PLCG1: variants seen among roughly 807,000 people sequenced by gnomAD.
PLCG1 encodes the protein phospholipase C gamma 1, also known as 1-phosphatidylinositol 4,5-bisphosphate phosphodiesterase gamma-1.
PLCG1 carries 71 observed loss-of-function variants against 177.8 expected under a neutral mutation model. That is an observed-to-expected ratio of 0.40 (90% CI 0.33 to 0.49). PLCG1 has a LOEUF of 0.49. PLCG1 is among the 20% of genes least tolerant of loss of function. PLCG1 has a pLI of 0.72. For missense variants in PLCG1, 1,281 were observed against 1,709.0 expected (o/e 0.75, Z 4.42); for synonymous variants, 658 against 647.9 (o/e 1.02, Z -0.24).
chr20:41,170,398 C>A, intron 24 of PLCG1, 129 bp downstream of exon 24: 2 of 852,242 alleles, frequency 2.3e-6, no homozygotes, highest in Non-Finnish European at 3.6e-6. Flanking sequence ...TAGGCCACAG[C>A]CCCTGCCTTA....
intron 1 of PLCG1, among the ~76,000 whole-genome samples, chr20:41,155,916 A>AT (rs2035306723): frequency 6.6e-6 from 1 of 152,170 alleles, no homozygotes; most frequent in African/African-American, 2.4e-5. Context: ...CATAGCTAGA[A>AT]TTTAAGAGCT....
chr20:41,165,147 T>G lies in PLCG1; in HGVS notation c.1386+46T>G. 1 of 1,604,052 alleles carries G rather than the reference T, an allele frequency of 6.2e-7. No individual in the cohort carries two copies. The highest frequency in any genetic ancestry group is 8.5e-7 in the Non-Finnish European group (1 of 1,173,838). On this transcript the variant is annotated intron_variant, in intron 13 of 31. Transcript: ENST00000685551. The surrounding 1 kb of genome is among the most constrained non-coding windows in gnomAD (Gnocchi z 6.6). ...CGGAAGCCCCACACTTCTCAGTGCC[T>G]TGCCCAGGCCATGGCTTCAGCTGTT... is the stretch of plus-strand genomic sequence containing the variant.
rs572524400 is a variant in PLCG1, at chr20:41,153,929, G to C, written c.218-5677G>C. On this transcript the variant is annotated intron_variant, in intron 1 of 31. Coordinates refer to ENST00000685551, the MANE Select transcript of PLCG1 (RefSeq NM_002660.3). The surrounding 1 kb of genome is among the most constrained non-coding windows in gnomAD (Gnocchi z 5.1). ...ATATTTCAGTGAAAGCATGTTTCAT[G>C]TTCAGAAATTTGGGGTACTTTTGGT... Among the ~76,000 whole-genome samples, 1 of 152,306 alleles carries C rather than the reference G, an allele frequency of 6.6e-6. No individual in the cohort carries two copies. The highest frequency in any genetic ancestry group is 2.1e-4 in the South Asian group (1 of 4,820).
chr20:41,147,585 TCACGCCTGTAATCCCAG>T lies in PLCG1; in HGVS notation c.217+9731_217+9747del, dbSNP rs1254702011. Among the ~76,000 whole-genome samples, 4 of 152,184 alleles carry T rather than the reference TCACGCCTGTAATCCCAG, an allele frequency of 2.6e-5. No individual in the cohort carries two copies. The South Asian group carries it at 6.2e-4, about 24-fold the overall frequency. On this transcript the variant is annotated intron_variant, in intron 1 of 31. Transcript: ENST00000685551. This position sits in a 1 kb window ranked among gnomAD's most constrained non-coding sequence, Gnocchi z 4.0. ...TTTAAGCTGGGCTGGGCACGGTGGC[TCACGCCTGTAATCCCAG>T]CACTTTGGGAGGCCAAGGTAGGGGG...
Position 41,165,157 on chromosome 20 carries a change from C to T in PLCG1, c.1386+56C>T. On this transcript the variant is annotated intron_variant, in intron 13 of 31. Transcript: ENST00000685551. This position sits in a 1 kb window ranked among gnomAD's most constrained non-coding sequence, Gnocchi z 6.6. Reference sequence around the variant, plus strand: ...ACACTTCTCAGTGCCTTGCCCAGGCCATGGCTTCAGCTGTTGGGCCTAAAC... The same window carrying T: ...ACACTTCTCAGTGCCTTGCCCAGGCTATGGCTTCAGCTGTTGGGCCTAAAC... 6.2e-7 allele frequency: 1 copy of T among 1,603,234 alleles called. No individual in the cohort carries two copies. Among genetic ancestry groups the T allele is most frequent in the Non-Finnish European group, 8.5e-7 (1 of 1,173,296 alleles).
intron 21 of PLCG1, 78 bp downstream of exon 21, chr20:41,168,948 T>C: frequency 8.6e-7 from 1 of 1,160,880 alleles, no homozygotes; most frequent in Non-Finnish European, 1.3e-6. Flanking sequence ...ATTTGTGATG[T>C]GCTTGTCTCC....
rs1366491212 is a variant in PLCG1 at position 41,153,666 on chromosome 20, G to A, written c.218-5940G>A. Among the ~76,000 whole-genome samples the A allele has an allele frequency of 6.6e-6, 1 of 152,178 alleles. No homozygotes were observed. The highest frequency in any genetic ancestry group is 1.5e-5 in the Non-Finnish European group (1 of 68,032). On this transcript the variant is annotated intron_variant, in intron 1 of 31. Coordinates refer to ENST00000685551, the MANE Select transcript of PLCG1 (RefSeq NM_002660.3). This position sits in a 1 kb window ranked among gnomAD's most constrained non-coding sequence, Gnocchi z 5.1. Reference sequence around the variant, plus strand: ...AATCCCAGCACTTTGGGAGGCCGAGGCAGGCGAATCACTGGAGGTCAGGAG... The same window carrying A: ...AATCCCAGCACTTTGGGAGGCCGAGACAGGCGAATCACTGGAGGTCAGGAG...
Position 41,152,339 on chromosome 20 carries a change from CGT to C in PLCG1, c.218-7265_218-7264del, listed in dbSNP as rs371940234. Among the ~76,000 whole-genome samples the C allele has an allele frequency of 5.1e-4, 77 of 152,364 alleles. 1 individual carries two copies. The highest frequency in any genetic ancestry group is 4.8e-3 in the East Asian group (25 of 5,184). On this transcript the variant is annotated intron_variant, in intron 1 of 31. Coordinates refer to ENST00000685551, the MANE Select transcript of PLCG1 (RefSeq NM_002660.3). ...TTTTCCCAAAGCTCTGTTAGCTTCC[CGT>C]GGTTCCCACTGGCTATAGGAATCTT... is the stretch of plus-strand genomic sequence containing the variant.
At chr20:41,171,494 G>T (rs1021291179) in intron 24 of PLCG1, among the ~76,000 whole-genome samples, 1 of 149,408 alleles carries the variant, frequency 6.7e-6, no homozygotes, top group Non-Finnish European at 1.5e-5. Context: ...GGCTGAGGCA[G>T]GAGAATCGCT....
chr20:41,166,761 G>A lies in PLCG1; in HGVS notation c.2203G>A (p.Val735Ile). The change falls in exon 19 of 32, where the codon GTT (valine) becomes ATT (isoleucine). Residue 735 changes from valine (V) to isoleucine (I), a missense_variant. Val to Ile is a conservative substitution (Grantham distance 29). Around this residue, in one of 4 missense-constraint regions of PLCG1, gnomAD observed 723 missense variants for 1,030.0 expected, o/e 0.70. Transcript: ENST00000685551. The surrounding 1 kb of genome is among the most constrained non-coding windows in gnomAD (Gnocchi z 8.6). ...MLGNSEFDSL[V>I]DLISYYEKHP... The stretch of plus-strand genomic sequence containing the variant: ...AGGGAACTCGGAGTTCGACAGCCTT[G>A]TTGACCTCATCAGCTACTATGAGAA... The A allele has an allele frequency of 1.2e-6, 2 of 1,614,108 alleles. No homozygotes were observed. Among genetic ancestry groups the A allele is most frequent in the South Asian group, 2.2e-5 (2 of 91,082 alleles).
chr20:41,167,011 A>C lies in PLCG1; in HGVS notation c.2301+152A>C. The C allele has an allele frequency of 4.4e-6, 3 of 688,654 alleles. No homozygotes were observed. The highest frequency in any genetic ancestry group is 7.6e-6 in the Non-Finnish European group (3 of 394,844). 42.7% of individuals were successfully genotyped at this position (688,654 alleles called of 1,614,324 possible). On this transcript the variant is annotated intron_variant, in intron 19 of 31. Transcript: ENST00000685551. The surrounding 1 kb of genome is among the most constrained non-coding windows in gnomAD (Gnocchi z 4.4). ...TCCAGCTGGGAGCCACAGTGTGGGT[A>C]CCAGGAGGGTGTCTGCAGGAGGGGA...
chr20:41,173,406 TTGTC>T lies in PLCG1; in HGVS notation c.3280-11_3280-8del, dbSNP rs758122059. 2.4e-5 allele frequency: 38 copies of T among 1,571,076 alleles called. No individual in the cohort carries two copies. The highest frequency in any genetic ancestry group is 3.2e-5 in the Non-Finnish European group (37 of 1,157,686). ...AGGAAGGACAATCCCAGGCCCTTCTTTGTCTGCCTACAGGTGCTGGGGGCCCGAC... is the reference window on the plus strand; with the variant it reads ...AGGAAGGACAATCCCAGGCCCTTCTTTGCCTACAGGTGCTGGGGGCCCGAC... On this transcript the variant is annotated splice_polypyrimidine_tract_variant and intron_variant, in intron 27 of 31. Transcript: ENST00000685551. This position sits in a 1 kb window ranked among gnomAD's most constrained non-coding sequence, Gnocchi z 6.2.
intron 1 of PLCG1, among the ~76,000 whole-genome samples, chr20:41,155,614 G>A (rs565361480): frequency 5.2e-4 from 79 of 152,150 alleles, no homozygotes; most frequent in Non-Finnish European, 1.0e-3. Context: ...TTGAGCTGGC[G>A]AAATAGCTGC....
chr20:41,168,900 C>T lies in PLCG1; in HGVS notation c.2483+30C>T, dbSNP rs76412835. ...GCCAGTGGTGTGGTAGGCCCAGAGT[C>T]CAAGGGCCCCAGTGGAGCTGGGGCC... On this transcript the variant is annotated intron_variant, in intron 21 of 31. Coordinates refer to ENST00000685551, the MANE Select transcript of PLCG1 (RefSeq NM_002660.3). 1,107 of 1,477,992 alleles carry T rather than the reference C, an allele frequency of 7.5e-4. 8 individuals are homozygous for T. The African/African-American group carries it at 0.014, about 18-fold the overall frequency. 91.6% of individuals were successfully genotyped at this position (1,477,992 alleles called of 1,614,324 possible).
intron 1 of PLCG1, among the ~76,000 whole-genome samples, chr20:41,143,424 A>G (rs967401661): frequency 3.3e-5 from 5 of 152,340 alleles, no homozygotes; most frequent in Middle Eastern, 6.8e-3. Context: ...TGTTAGAACT[A>G]GAGAAGTCAC....
Position 41,163,873 on chromosome 20 carries a change from A to G in PLCG1, c.1010+40A>G. On this transcript the variant is annotated intron_variant, in intron 10 of 31. Transcript: ENST00000685551. The surrounding 1 kb of genome is among the most constrained non-coding windows in gnomAD (Gnocchi z 5.2). ...TTCAGGCCCACCCAGCTTCTTCCCC[A>G]GGAGGGCCCATCTGACCATACCTAC... 1 of 1,608,750 alleles carries G rather than the reference A, an allele frequency of 6.2e-7. No individual in the cohort carries two copies. Among genetic ancestry groups the G allele is most frequent in the East Asian group, 2.2e-5 (1 of 44,854 alleles).
In PLCG1 at chr20:41,164,033, G is replaced by A. The variant is rs371204239; in HGVS notation, c.1096+27G>A. ...TGCGTGGGGTCCAGGGCTGGGGGAG[G>A]GAAGATGGGAGGCCTGCCCGCTTGA... On this transcript the variant is annotated intron_variant, in intron 11 of 31. Transcript: ENST00000685551. The surrounding 1 kb of genome is among the most constrained non-coding windows in gnomAD (Gnocchi z 6.4). The A allele has an allele frequency of 1.9e-6, 3 of 1,614,178 alleles. No individual in the cohort carries two copies. The highest frequency in any genetic ancestry group is 1.7e-6 in the Non-Finnish European group (2 of 1,180,028).
In PLCG1 at chr20:41,165,410, G is replaced by C. The variant is rs748097881; in HGVS notation, c.1510-40G>C. The C allele has an allele frequency of 1.2e-6, 2 of 1,613,924 alleles. No homozygotes were observed. Among genetic ancestry groups the C allele is most frequent in the Non-Finnish European group, 1.7e-6 (2 of 1,179,834 alleles). ...CTGGGGGTGGTAGGCCAGTGGGTGTGAGGACCCTGGCTCACAAGTCCCTCT... is the reference window on the plus strand; with the variant it reads ...CTGGGGGTGGTAGGCCAGTGGGTGTCAGGACCCTGGCTCACAAGTCCCTCT... On this transcript the variant is annotated intron_variant, in intron 14 of 31. Transcript: ENST00000685551. The surrounding 1 kb of genome is among the most constrained non-coding windows in gnomAD (Gnocchi z 6.6).
Position 41,172,438 on chromosome 20 carries a change from G to A in PLCG1, c.2923G>A (p.Ala975Thr). 2 of 1,614,176 alleles carry A rather than the reference G, an allele frequency of 1.2e-6. No homozygotes were observed. The highest frequency in any genetic ancestry group is 1.7e-6 in the Non-Finnish European group (2 of 1,179,998). ...TGGCCCAGAGATTGGCACAGAACGT[G>A]CTTGCTACCGGGACATGTCATCCTT... is the stretch of plus-strand genomic sequence containing the variant. ...FDEEKIGTER[A>T]CYRDMSSFPE... The change falls in exon 26 of 32, where the codon GCT (alanine) becomes ACT (threonine). Residue 975 changes from alanine (A) to threonine (T), a missense_variant. Ala to Thr is a moderately conservative substitution (Grantham distance 58). Around this residue, in one of 4 missense-constraint regions of PLCG1, gnomAD observed 723 missense variants for 1,030.0 expected, o/e 0.70. Transcript: ENST00000685551. The surrounding 1 kb of genome is among the most constrained non-coding windows in gnomAD (Gnocchi z 7.0).
Sources: allele counts gnomAD v4.1 joint callset (sites outside exome capture counted in the v4.1 genomes callset), GRCh38; gene constraint gnomAD v4.1.1; regional missense constraint gnomAD v4.1.1; non-coding constraint Gnocchi (gnomAD v3.1); transcripts MANE v1.5; gene names NCBI Gene and HGNC (gene_info 2026-07-23, HGNC 2026-07-21).